The following CSNK2A2IP variants were observed in gnomAD, a reference collection of about 807,000 sequenced individuals.
The protein encoded by CSNK2A2IP is casein kinase II subunit alpha'-interacting protein.
the CSNK2A2IP span, among the ~76,000 whole-genome samples, chr3:88,455,328 A>T: frequency 6.6e-6 from 1 of 151,796 alleles, no homozygotes; most frequent in Non-Finnish European, 1.5e-5. Flanking sequence ...ATTTATATAC[A>T]TACCAGTAGG....
chr3:88,383,268 A>G, the CSNK2A2IP span, among the ~76,000 whole-genome samples: 1 of 152,200 alleles, frequency 6.6e-6, no homozygotes, highest in South Asian at 2.1e-4. Flanking sequence ...AGCATTGTAG[A>G]AACATTATGG....
At chr3:88,430,683 T>C in the CSNK2A2IP span, among the ~76,000 whole-genome samples, 1 of 152,030 alleles carries the variant, frequency 6.6e-6, no homozygotes, top group South Asian at 2.1e-4. Flanking sequence ...GGAAAGTATA[T>C]GTAAGATAAA....
At chr3:88,431,851 C>T in the CSNK2A2IP span, among the ~76,000 whole-genome samples, 50,051 of 151,896 alleles carry the variant, frequency 0.33, 10,390 homozygotes, top group Non-Finnish European at 0.47. Context: ...AAAAATTAAG[C>T]AGCTATATAT....
the CSNK2A2IP span, among the ~76,000 whole-genome samples, chr3:88,450,489 G>A: frequency 5.6e-3 from 792 of 141,814 alleles, 10 homozygotes; most frequent in African/African-American, 0.018. Flanking sequence ...CCATCTCTGC[G>A]TAGTTGACCT....
the CSNK2A2IP span, among the ~76,000 whole-genome samples, chr3:88,381,928 T>C: frequency 6.6e-6 from 1 of 152,130 alleles, no homozygotes; most frequent in African/African-American, 2.4e-5. Flanking sequence ...CAATCATACA[T>C]CAATAAACTG....
the CSNK2A2IP span, among the ~76,000 whole-genome samples, chr3:88,402,352 CA>C: frequency 6.6e-6 from 1 of 151,976 alleles, no homozygotes; most frequent in Admixed American, 6.6e-5. Context: ...GTTTTGAGAG[CA>C]ATTTGGCAAT....
chr3:88,439,003 C>T, the CSNK2A2IP span, among the ~76,000 whole-genome samples: 2,073 of 152,186 alleles, frequency 0.014, 40 homozygotes, highest in African/African-American at 0.048. Flanking sequence ...ATGCTTAGGC[C>T]TTTTTCTCTA....
chr3:88,457,268 C>T, the CSNK2A2IP span, among the ~76,000 whole-genome samples: 1 of 151,980 alleles, frequency 6.6e-6, no homozygotes, highest in Non-Finnish European at 1.5e-5. Flanking sequence ...TGGTGTTTTC[C>T]TATGAAAAGA....
At chr3:88,455,724 G>A in the CSNK2A2IP span, among the ~76,000 whole-genome samples, 2 of 151,616 alleles carry the variant, frequency 1.3e-5, no homozygotes, top group Non-Finnish European at 3.0e-5. Flanking sequence ...TACTTATTTA[G>A]TTTTGCTTTT....
chr3:88,455,216 T>C, the CSNK2A2IP span, among the ~76,000 whole-genome samples: 3 of 151,936 alleles, frequency 2.0e-5, no homozygotes, highest in Non-Finnish European at 4.4e-5. Flanking sequence ...CAATTTAATT[T>C]ATTTTGGTAT....
At chr3:88,377,449 G>C in the CSNK2A2IP span, among the ~76,000 whole-genome samples, 6 of 151,142 alleles carry the variant, frequency 4.0e-5, no homozygotes, top group Non-Finnish European at 7.4e-5. Flanking sequence ...GCTATGTTCA[G>C]ACACAGTACT....
the CSNK2A2IP span, among the ~76,000 whole-genome samples, chr3:88,421,913 C>T: frequency 1.3e-5 from 2 of 152,048 alleles, no homozygotes; most frequent in Non-Finnish European, 2.9e-5. Flanking sequence ...GGTCTACACG[C>T]TTTTGGAATA....
chr3:88,342,284 T>C, the CSNK2A2IP span, among the ~76,000 whole-genome samples: 1 of 152,046 alleles, frequency 6.6e-6, no homozygotes, highest in Non-Finnish European at 1.5e-5. Context: ...AGCTTTTCTG[T>C]ACATCGTGAA....
the CSNK2A2IP span, chr3:88,467,487 G>T: frequency 2.5e-6 from 1 of 398,534 alleles, no homozygotes; most frequent in Non-Finnish European, 4.4e-6. Context: ...TTAAAACAAA[G>T]CCTGTGAGGA....
At chr3:88,467,049 A>G in the CSNK2A2IP span, 1 of 1,028,178 alleles carries the variant, frequency 9.7e-7, no homozygotes, top group East Asian at 3.3e-5. Context: ...CCACATCTGA[A>G]CGGGATATCC....
chr3:88,418,463 T>TGTGTGTGTGCGCGCGCGC, the CSNK2A2IP span, among the ~76,000 whole-genome samples: 17 of 149,632 alleles, frequency 1.1e-4, no homozygotes, highest in East Asian at 8.1e-4. Flanking sequence ...TGTGTGTGTG[T>TGTGTGTGTGCGCGCGCGC]GCGCGCGGGC....
chr3:88,365,258 A>G, the CSNK2A2IP span, among the ~76,000 whole-genome samples: 1 of 152,224 alleles, frequency 6.6e-6, no homozygotes, highest in Non-Finnish European at 1.5e-5. Context: ...AGTAATTTTA[A>G]ATCTAAATGA....
At chr3:88,415,170 C>T in the CSNK2A2IP span, among the ~76,000 whole-genome samples, 16 of 151,860 alleles carry the variant, frequency 1.1e-4, no homozygotes, top group East Asian at 7.7e-4. Context: ...AAATTCCTCA[C>T]GAGTATTTCA....
At chr3:88,434,692 C>T in the CSNK2A2IP span, among the ~76,000 whole-genome samples, 1 of 152,152 alleles carries the variant, frequency 6.6e-6, no homozygotes, top group Non-Finnish European at 1.5e-5. Context: ...CCACCCAATG[C>T]TACTTTAACA....
Sources: gnomAD v4.1 joint callset for allele counts (sites outside exome capture counted in the v4.1 genomes callset) on GRCh38, gnomAD v4.1.1 for gene constraint, MANE v1.5 for transcripts, NCBI Gene and HGNC (gene_info 2026-07-23, HGNC 2026-07-21) for gene names.